The following HP1BP3 variants were observed in gnomAD, a reference collection of about 807,000 sequenced individuals.
The protein encoded by HP1BP3 is heterochromatin protein 1 binding protein 3.
In HP1BP3, 12 loss-of-function variants were observed where a neutral mutation model predicts 62.5. That is an observed-to-expected ratio of 0.19 (90% CI 0.12 to 0.31). HP1BP3 has a LOEUF of 0.31. Among genes scored for constraint, HP1BP3 ranks in the 10% least tolerant of loss-of-function variants. The pLI, the probability that HP1BP3 is intolerant of heterozygous loss-of-function variation, is 1.00. For synonymous variants in HP1BP3, 260 were observed against 237.8 expected, an observed-to-expected ratio of 1.09 and a Z score of -0.86; for missense variants, 502 against 651.8, an observed-to-expected ratio of 0.77 and a Z score of 2.50.
chr1:20,784,899 A>C (rs1030872701), intron 1 of HP1BP3, among the ~76,000 whole-genome samples: 1 of 152,202 alleles, frequency 6.6e-6, no homozygotes, highest in African/African-American at 2.4e-5. Context: ...ACAATAACAA[A>C]TATTTGCTTT....
Position 20,776,718 on chromosome 1 carries a change from T to C in HP1BP3, c.229A>G (p.Thr77Ala). 6.2e-7 allele frequency: 1 copy of C among 1,613,644 alleles called. No homozygotes were observed. The highest frequency in any genetic ancestry group is 8.5e-7 in the Non-Finnish European group (1 of 1,179,798). ...GTTTCATTCTCTTGTTCTTCTACAG[T>C]GGAGACAGATTCCTCTGAACTTATG... ...PDISSEESVS[T>A]VEEQENETPP... Residue 77 changes from threonine (T) to alanine (A), a missense_variant, in exon 4 of 13, where the codon ACT (threonine) becomes GCT (alanine). Thr to Ala is a moderately conservative substitution (Grantham distance 58). Around this residue, in one of 5 missense-constraint regions of HP1BP3, gnomAD observed 165 missense variants for 156.4 expected, o/e 1.05. Transcript: ENST00000438032.
At chr1:20,770,374 G>A (rs763747953) in intron 6 of HP1BP3, among the ~76,000 whole-genome samples, 3 of 152,116 alleles carry the variant, frequency 2.0e-5, no homozygotes, top group Non-Finnish European at 4.4e-5. Context: ...AGGCTGGAGT[G>A]GTGAGATCGT....
chr1:20,763,491 A>G (rs1054491577), intron 8 of HP1BP3, among the ~76,000 whole-genome samples: 8 of 152,230 alleles, frequency 5.3e-5, no homozygotes, highest in Non-Finnish European at 4.4e-5. Flanking sequence ...CTGAAACCTC[A>G]GCACTTCTAA....
intron 4 of HP1BP3, 164 bp downstream of exon 4, chr1:20,776,433 C>T (rs774542418): frequency 3.7e-5 from 23 of 613,974 alleles, no homozygotes; most frequent in Non-Finnish European, 5.2e-5. Flanking sequence ...TCTAACAGGT[C>T]AAACAACTAT....
intron 1 of HP1BP3, among the ~76,000 whole-genome samples, chr1:20,782,659 T>C (rs776419541): frequency 6.6e-6 from 1 of 150,906 alleles, no homozygotes; most frequent in Non-Finnish European, 1.5e-5. Context: ...CTCAGCACTT[T>C]GGGAGGCCGA....
intron 3 of HP1BP3, 85 bp downstream of exon 3, chr1:20,779,727 C>T: frequency 2.4e-6 from 1 of 418,502 alleles, no homozygotes; most frequent in Non-Finnish European, 3.8e-6. Context: ...AAAAAAAAAA[C>T]AATTAAGTTC....
At chr1:20,784,517 C>T (rs1232318316) in intron 1 of HP1BP3, among the ~76,000 whole-genome samples, 2 of 132,198 alleles carry the variant, frequency 1.5e-5, no homozygotes, top group Non-Finnish European at 3.1e-5. Context: ...CTTGCTCTGT[C>T]GCCCAGGCTG....
At chr1:20,773,383 G>T in intron 5 of HP1BP3, 68 bp downstream of exon 5, 1 of 1,382,088 alleles carries the variant, frequency 7.2e-7, no homozygotes, top group Non-Finnish European at 1.0e-6. Flanking sequence ...ACAGATATAT[G>T]CCATTTTCAA....
At chr1:20,776,364 G>C in intron 4 of HP1BP3, 1 of 446,832 alleles carries the variant, frequency 2.2e-6, no homozygotes, top group Non-Finnish European at 3.9e-6. Context: ...ACATTCCAAA[G>C]CCAATGACAA....
chr1:20,775,628 A>C (rs1183431004), intron 4 of HP1BP3: 1 of 183,528 alleles, frequency 5.4e-6, no homozygotes, highest in East Asian at 1.3e-4. Flanking sequence ...TTTAAGGTCC[A>C]TTCATGGTAG....
intron 8 of HP1BP3, among the ~76,000 whole-genome samples, chr1:20,758,661 T>C (rs1389683331): frequency 7.5e-5 from 11 of 147,646 alleles, no homozygotes; most frequent in Non-Finnish European, 1.0e-4. Flanking sequence ...TTTTTTTTTT[T>C]CTGAGAGAGG....
Position 20,771,320 on chromosome 1 carries a change from T to C in HP1BP3, c.511-247A>G, listed in dbSNP as rs563171583. On this transcript the variant is annotated intron_variant, in intron 5 of 12. Coordinates refer to ENST00000438032, the MANE Select transcript of HP1BP3 (RefSeq NM_001372052.1). Reference sequence around the variant, plus strand: ...CATACTGAACACGAACAACATTCTATGTATAATGAAGAACCTCTTTCCATT... The same window carrying C: ...CATACTGAACACGAACAACATTCTACGTATAATGAAGAACCTCTTTCCATT... 2.0e-5 allele frequency among the ~76,000 whole-genome samples: 3 copies of C among 152,336 alleles called. No individual in the cohort carries two copies. The East Asian group carries it at 5.8e-4, about 29-fold the overall frequency.
At chr1:20,776,157 A>C in intron 4 of HP1BP3, 1 of 665,730 alleles carries the variant, frequency 1.5e-6, no homozygotes, top group Non-Finnish European at 2.4e-6. Context: ...TTTAGGTCAC[A>C]CTACCAATGG....
In HP1BP3 at chr1:20,745,540, C is replaced by T. The variant is rs200707057; in HGVS notation, c.1367+3G>A. 92 of 1,614,076 alleles carry T rather than the reference C, an allele frequency of 5.7e-5. No individual in the cohort carries two copies. In the African/African-American group the frequency reaches 1.0e-3, roughly 18 times the overall value. On this transcript the variant is annotated splice_donor_region_variant and intron_variant, in intron 12 of 12. Coordinates refer to ENST00000438032, the MANE Select transcript of HP1BP3 (RefSeq NM_001372052.1). ...CCCACAAGGGGTTTTCACATGTCCACACCTTCTCTTAGGTGGCGGCTCTTC... is the reference window on the plus strand; with the variant it reads ...CCCACAAGGGGTTTTCACATGTCCATACCTTCTCTTAGGTGGCGGCTCTTC...
Position 20,780,267 on chromosome 1 carries a change from T to A in HP1BP3, c.96+78A>T. On this transcript the variant is annotated intron_variant, in intron 2 of 12. Transcript: ENST00000438032. Reference sequence around the variant, plus strand: ...ACTCCCCAAAGTAAGGGAAGGAACATGTACCAAGAAGGACCCAGCAGGGCC... The same window carrying A: ...ACTCCCCAAAGTAAGGGAAGGAACAAGTACCAAGAAGGACCCAGCAGGGCC... 1.9e-5 allele frequency: 19 copies of A among 999,616 alleles called. 1 individual carries two copies. In the South Asian group the frequency reaches 2.2e-4, roughly 12 times the overall value. 61.9% of individuals were successfully genotyped at this position (999,616 alleles called of 1,614,324 possible).
chr1:20,758,179 T>C (rs1428967224), intron 8 of HP1BP3, among the ~76,000 whole-genome samples: 2 of 152,108 alleles, frequency 1.3e-5, no homozygotes, highest in African/African-American at 4.8e-5. Context: ...ACAAAAAAAT[T>C]ATGTCTTTAA....
intron 1 of HP1BP3, among the ~76,000 whole-genome samples, chr1:20,783,190 A>G (rs2057653255): frequency 6.6e-6 from 1 of 152,192 alleles, no homozygotes; most frequent in Non-Finnish European, 1.5e-5. Context: ...ATTATGTGTG[A>G]AGAACACTTA....
chr1:20,744,776 T>A lies in HP1BP3; in HGVS notation c.*21A>T, dbSNP rs767319345. 24 of 1,571,946 alleles carry A rather than the reference T, an allele frequency of 1.5e-5. No homozygotes were observed. Among genetic ancestry groups the A allele is most frequent in the Middle Eastern group, 4.6e-4 (2 of 4,386 alleles). On this transcript the variant is annotated 3_prime_UTR_variant, in exon 13 of 13. Coordinates refer to ENST00000438032, the MANE Select transcript of HP1BP3 (RefSeq NM_001372052.1). ...AATAAGATTTTGAATTTCATCATGA[T>A]ACCCTTTTTTCCTATAAAATTTACT...
At chr1:20,763,176 A>C (rs2056584097) in intron 8 of HP1BP3, among the ~76,000 whole-genome samples, 1 of 152,128 alleles carries the variant, frequency 6.6e-6, no homozygotes. Context: ...CCCTCACTAG[A>C]AGCAGACGCC....
Sources: allele counts gnomAD v4.1 joint callset (sites outside exome capture counted in the v4.1 genomes callset), GRCh38; gene constraint gnomAD v4.1.1; regional missense constraint gnomAD v4.1.1; transcripts MANE v1.5; gene names NCBI Gene and HGNC (gene_info 2026-07-23, HGNC 2026-07-21).